The following AQP8 variants were observed in gnomAD, a reference collection of about 807,000 sequenced individuals.
The protein encoded by AQP8 is aquaporin-8.
In AQP8, 14 loss-of-function variants were observed where a neutral mutation model predicts 26.1. The ratio of observed to expected loss-of-function variants is 0.54; its 90% CI spans 0.35 to 0.84. The LOEUF is 0.84. AQP8 is among the 40% of genes least tolerant of loss of function. The pLI is 0.01. For missense variants in AQP8, 301 were observed against 340.5 expected, an observed-to-expected ratio of 0.88 and a Z score of 0.91; for synonymous variants, 131 against 150.7, an observed-to-expected ratio of 0.87 and a Z score of 0.96.
At chr16:25,221,667 T>C in intron 3 of AQP8, 84 bp downstream of exon 3, 1 of 1,502,494 alleles carries the variant, frequency 6.7e-7, no homozygotes, top group Non-Finnish European at 9.0e-7. Flanking sequence ...TGTGGGACAG[T>C]GGGGAGTGGG....
intron 3 of AQP8, among the ~76,000 whole-genome samples, chr16:25,222,936 C>T (rs1450487771): frequency 6.6e-6 from 1 of 152,234 alleles, no homozygotes; most frequent in Non-Finnish European, 1.5e-5. Flanking sequence ...ACCTGTCAAA[C>T]ATGGTTCTGA....
intron 2 of AQP8, among the ~76,000 whole-genome samples, chr16:25,220,423 A>G (rs536248590): frequency 6.6e-6 from 1 of 152,142 alleles, no homozygotes; most frequent in South Asian, 2.1e-4. Flanking sequence ...ATGTGAGTGC[A>G]GCCACCCTGG....
chr16:25,220,827 G>T (rs940172289), intron 2 of AQP8, among the ~76,000 whole-genome samples: 1 of 152,190 alleles, frequency 6.6e-6, no homozygotes, highest in Non-Finnish European at 1.5e-5. Flanking sequence ...GACGTGGGTG[G>T]ATCGCTTGAG....
rs1597631639 is a variant in AQP8, at chr16:25,227,281, C to T, written c.737+79C>T. On this transcript the variant is annotated intron_variant, in intron 5 of 5. Transcript: ENST00000219660. ...TCCCAGAGAGTCCGGGACTAGAGGG[C>T]TAGGCTCTCACTTGGGTTTGGAAGA... The T allele has an allele frequency of 8.3e-6, 13 of 1,574,582 alleles. No individual in the cohort carries two copies. The East Asian group carries it at 2.5e-4, about 30-fold the overall frequency.
intron 5 of AQP8, among the ~76,000 whole-genome samples, 195 bp downstream of exon 5, chr16:25,227,397 T>C (rs1269798749): frequency 2.0e-5 from 3 of 152,208 alleles, no homozygotes; most frequent in Non-Finnish European, 4.4e-5. Flanking sequence ...AAATAGCTTA[T>C]GTCATAAAGA....
chr16:25,222,896 C>T (rs552038402), intron 3 of AQP8, among the ~76,000 whole-genome samples: 2 of 152,336 alleles, frequency 1.3e-5, no homozygotes, highest in Admixed American at 6.5e-5. Flanking sequence ...AAGCAGTGGC[C>T]AGACTCGAGC....
At position 25,228,626 on chromosome 16, in the gene AQP8, CCTG is replaced by C. The variant is rs1962667707; in HGVS notation, c.*137_*139del. On this transcript the variant is annotated 3_prime_UTR_variant, in exon 6 of 6. Coordinates refer to ENST00000219660, the MANE Select transcript of AQP8 (RefSeq NM_001169.3). ...CGACCCCCTGCTTCCACTGCTTGGG[CCTG>C]CTTTCTCAGATAGACTGACTGCTGA... The C allele has an allele frequency of 3.4e-6, 3 of 872,466 alleles. No individual in the cohort carries two copies. In the African/African-American group the frequency reaches 5.0e-5, roughly 14 times the overall value. The allele number at this position is 872,466 out of a possible 1,614,324, so 54.0% of individuals were successfully genotyped here. A position where few individuals can be genotyped will look rare whatever the true frequency, so the allele number is the denominator to read the frequency against.
chr16:25,223,260 G>C (rs1299269070), intron 3 of AQP8, among the ~76,000 whole-genome samples: 1 of 152,250 alleles, frequency 6.6e-6, no homozygotes, highest in African/African-American at 2.4e-5. Context: ...TTTCCCCTTC[G>C]GGGCTGTGAT....
chr16:25,226,422 T>A (rs1962633971), intron 4 of AQP8, among the ~76,000 whole-genome samples: 1 of 152,152 alleles, frequency 6.6e-6, no homozygotes, highest in Admixed American at 6.6e-5. Context: ...TATTCCCAGC[T>A]AACTTTGTAT....
intron 4 of AQP8, 23 bp downstream of exon 4, chr16:25,224,599 G>T: frequency 1.3e-6 from 2 of 1,599,998 alleles, no homozygotes; most frequent in Non-Finnish European, 8.5e-7. Flanking sequence ...TGGCAGTGGG[G>T]TGACCATGCC....
In AQP8 at chr16:25,228,451, A is replaced by T; in HGVS notation, c.745A>T (p.Ile249Phe). The T allele has an allele frequency of 1.9e-6, 3 of 1,613,754 alleles. No individual in the cohort carries two copies. In the East Asian group the frequency reaches 6.7e-5, roughly 36 times the overall value. Residue 249 changes from isoleucine (I) to phenylalanine (F), a missense_variant, in exon 6 of 6, where the codon ATT (isoleucine) becomes TTT (phenylalanine). Transcript: ENST00000219660. ...GGGTCATCTTTCTTGCAGGTGCTTC[A>T]TTGGAGATGGGAAGACCCGCCTCAT... ...LLVGLLIRCFIGDGKTRLILK... is the reference protein window; with the variant it reads ...LLVGLLIRCFFGDGKTRLILK...
At chr16:25,219,947 A>C (rs1277736193) in intron 2 of AQP8, among the ~76,000 whole-genome samples, 2 of 152,050 alleles carry the variant, frequency 1.3e-5, no homozygotes, top group African/African-American at 4.8e-5. Flanking sequence ...AAGCAGAAGA[A>C]TCGCTTGAAA....
intron 5 of AQP8, among the ~76,000 whole-genome samples, chr16:25,227,759 A>G (rs1275457637): frequency 6.6e-6 from 1 of 151,650 alleles, no homozygotes; most frequent in African/African-American, 2.4e-5. Context: ...AAGTGCTAGG[A>G]TTATAGGCAT....
chr16:25,222,045 G>A (rs1597628607), intron 3 of AQP8, among the ~76,000 whole-genome samples: 3 of 152,132 alleles, frequency 2.0e-5, no homozygotes, highest in East Asian at 3.9e-4. Flanking sequence ...TGGGGTTACA[G>A]GCATGAGCCA....
chr16:25,226,999 G>A, intron 4 of AQP8, 69 bp from the exon 5 acceptor site: 1 of 1,608,564 alleles, frequency 6.2e-7, no homozygotes, highest in Non-Finnish European at 8.5e-7. Flanking sequence ...GCCTAGTTGG[G>A]GACATGAGTG....
In AQP8 at chr16:25,217,338, C is replaced by G; in HGVS notation, c.153C>G (p.Ile51Met). ...ELLGSALFIF[I>M]GCLSVIENGT... Reference sequence around the variant, plus strand: ...TGGGCTCTGCTCTCTTCATCTTCATCGGGTGCCTGTCGGTCATTGAGAATG... The same window carrying G: ...TGGGCTCTGCTCTCTTCATCTTCATGGGGTGCCTGTCGGTCATTGAGAATG... The change falls in exon 2 of 6, where the codon ATC becomes ATG. Residue 51 changes from isoleucine (I) to methionine (M), a missense_variant. By Grantham distance (10) the Ile-to-Met change is conservative (BLOSUM62 1). Transcript: ENST00000219660. 6.2e-7 allele frequency: 1 copy of G among 1,614,132 alleles called. No individual in the cohort carries two copies. The highest frequency in any genetic ancestry group is 1.1e-5 in the South Asian group (1 of 91,080).
chr16:25,223,214 G>T (rs1962586972), intron 3 of AQP8, among the ~76,000 whole-genome samples: 1 of 152,230 alleles, frequency 6.6e-6, no homozygotes, highest in Non-Finnish European at 1.5e-5. Flanking sequence ...AGCCCCGACT[G>T]GATCCAGAGT....
chr16:25,217,681 A>G (rs1223061281), intron 2 of AQP8, among the ~76,000 whole-genome samples: 3 of 152,226 alleles, frequency 2.0e-5, no homozygotes, highest in African/African-American at 7.2e-5. Flanking sequence ...CATGCGCCGC[A>G]GCACCCAACT....
intron 5 of AQP8, 87 bp from the exon 6 acceptor site, chr16:25,228,357 T>A (rs1232414958): frequency 1.2e-5 from 15 of 1,298,814 alleles, no homozygotes; most frequent in Non-Finnish European, 1.7e-5. Flanking sequence ...GAAGTCATCT[T>A]TCTGGAGACT....
Sources: gnomAD v4.1 joint callset for allele counts (sites outside exome capture counted in the v4.1 genomes callset) on GRCh38, gnomAD v4.1.1 for gene constraint, MANE v1.5 for transcripts, NCBI Gene and HGNC (gene_info 2026-07-23, HGNC 2026-07-21) for gene names.